PLEKHG4B: variants seen among roughly 807,000 people sequenced by gnomAD.
PLEKHG4B encodes the protein pleckstrin homology domain-containing family G member 4B.
A neutral mutation model predicts 121.3 loss-of-function variants in PLEKHG4B; 111 were observed. The observed-to-expected ratio is 0.92, with a 90% CI of 0.78 to 1.07. PLEKHG4B has a LOEUF of 1.07. PLEKHG4B is among the 50% of genes least tolerant of loss of function. The probability of loss-of-function intolerance (pLI) is 0.00; values close to 1 mark genes in which losing one functional copy is unlikely to be tolerated. For missense variants in PLEKHG4B, 1,831 were observed against 1,757.8 expected (o/e 1.04, Z -0.74); for synonymous variants, 738 against 725.0 (o/e 1.02, Z -0.29).
In PLEKHG4B at chr5:127,082, C is replaced by T. The variant is rs530539894; in HGVS notation, c.244-12401C>T. 1.2e-4 allele frequency among the ~76,000 whole-genome samples: 18 copies of T among 152,236 alleles called. No individual in the cohort carries two copies. The South Asian group carries it at 1.9e-3, about 16-fold the overall frequency. ...ATGTGGCTGGCAAAAGAAGGGAAGA[C>T]GGAGCTGCCATTTTGAACATGCCTA... On this transcript the variant is annotated intron_variant, in intron 2 of 19. Transcript: ENST00000637938.
At chr5:164,629 C>T (rs1736200806) in intron 13 of PLEKHG4B, among the ~76,000 whole-genome samples, 1 of 128,196 alleles carries the variant, frequency 7.8e-6, no homozygotes, top group African/African-American at 2.8e-5. Flanking sequence ...TGTGACGGAG[C>T]GGAGCTCACA....
At chr5:169,256 T>A in intron 13 of PLEKHG4B, 84 bp from the exon 14 acceptor site, 6 of 1,551,222 alleles carry the variant, frequency 3.9e-6, no homozygotes, top group Non-Finnish European at 5.2e-6. Context: ...CGGGTTTTCA[T>A]GTGTTTCTGT....
chr5:124,765 C>T (rs79701423), intron 2 of PLEKHG4B, among the ~76,000 whole-genome samples: 3,332 of 152,252 alleles, frequency 0.022, 53 homozygotes, highest in Non-Finnish European at 0.034. Context: ...CAGTTTGGAT[C>T]TGTTTATGTC....
At chr5:170,988 T>A (rs1736524355) in intron 14 of PLEKHG4B, 55 bp from the exon 15 acceptor site, 35 of 1,455,884 alleles carry the variant, frequency 2.4e-5, no homozygotes, top group Non-Finnish European at 3.3e-5. Flanking sequence ...TGCGGGAGCC[T>A]GCTGTCTCTG....
intron 1 of PLEKHG4B, among the ~76,000 whole-genome samples, chr5:105,276 C>T (rs1049746316): frequency 6.6e-6 from 1 of 152,216 alleles, no homozygotes; most frequent in South Asian, 2.1e-4. Flanking sequence ...GGCTGGGGGC[C>T]CTGCTCAGAA....
Position 140,154 on chromosome 5 carries a change from TG to T in PLEKHG4B, c.921del (p.Ser308ArgfsTer74). 4.1e-6 allele frequency: 3 copies of T among 738,392 alleles called. No homozygotes were observed. The highest frequency in any genetic ancestry group is 6.4e-6 in the Non-Finnish European group (3 of 469,682). 45.7% of individuals were successfully genotyped at this position (738,392 alleles called of 1,614,324 possible). On this transcript the variant is annotated frameshift_variant, in exon 3 of 20. Transcript: ENST00000637938. LOFTEE classifies it high-confidence loss of function. ...QGPRMPPENC[G>X]GSGERPDPMD... ...GCCCACGGATGCCCCCTGAGAACTG[TG>T]GGGGGTCGGGGGAGAGGCCGGACCC... is the stretch of plus-strand genomic sequence containing the variant.
rs1197973107 is a variant in PLEKHG4B at position 157,351 on chromosome 5, C to G, written c.2487+440C>G. Reference sequence around the variant, plus strand: ...CTCCAGATGACCTCAAGAAGTGGCTCTGGAGGCCAGGGAGAGGCTCAAGGT... The same window carrying G: ...CTCCAGATGACCTCAAGAAGTGGCTGTGGAGGCCAGGGAGAGGCTCAAGGT... On this transcript the variant is annotated intron_variant, in intron 11 of 19. Coordinates refer to ENST00000637938, the MANE Select transcript of PLEKHG4B (RefSeq NM_052909.5). This position sits in a 1 kb window ranked among gnomAD's most constrained non-coding sequence, Gnocchi z 4.6. 2.0e-5 allele frequency among the ~76,000 whole-genome samples: 3 copies of G among 151,646 alleles called. No homozygotes were observed. The highest frequency in any genetic ancestry group is 7.3e-5 in the African/African-American group (3 of 41,238).
At chr5:175,975 G>A (rs1330292816) in intron 18 of PLEKHG4B, among the ~76,000 whole-genome samples, 1 of 99,328 alleles carries the variant, frequency 1.0e-5, no homozygotes, top group Non-Finnish European at 2.4e-5. Flanking sequence ...GACCCCTCCA[G>A]GCAGACACGA....
intron 2 of PLEKHG4B, among the ~76,000 whole-genome samples, chr5:120,496 A>T (rs1171051236): frequency 2.0e-5 from 3 of 152,218 alleles, no homozygotes; most frequent in Non-Finnish European, 4.4e-5. Context: ...TTAAAATCTG[A>T]TAAGAAGGTC....
intron 2 of PLEKHG4B, among the ~76,000 whole-genome samples, chr5:124,019 T>A (rs1023778071): frequency 6.6e-6 from 1 of 152,214 alleles, no homozygotes; most frequent in Non-Finnish European, 1.5e-5. Flanking sequence ...TAATGCTGCT[T>A]TTGCTGCCTC....
rs1312057242 is a variant in PLEKHG4B at position 159,322 on chromosome 5, C to A, written c.2487+2411C>A. Among the ~76,000 whole-genome samples the A allele has an allele frequency of 2.0e-5, 3 of 152,002 alleles. No individual in the cohort carries two copies. The highest frequency in any genetic ancestry group is 4.4e-5 in the Non-Finnish European group (3 of 67,996). ...CCCAGGTGCACCGAGGGCAGGTGTGCTCTTTGTGTCTGCACTGCGCCCCTC... is the reference window on the plus strand; with the variant it reads ...CCCAGGTGCACCGAGGGCAGGTGTGATCTTTGTGTCTGCACTGCGCCCCTC... On this transcript the variant is annotated intron_variant, in intron 11 of 19. Coordinates refer to ENST00000637938, the MANE Select transcript of PLEKHG4B (RefSeq NM_052909.5). The surrounding 1 kb of genome is among the most constrained non-coding windows in gnomAD (Gnocchi z 5.5).
At chr5:164,456 C>T (rs1318820235) in intron 13 of PLEKHG4B, among the ~76,000 whole-genome samples, 7 of 122,928 alleles carry the variant, frequency 5.7e-5, no homozygotes, top group Non-Finnish European at 3.2e-5. Flanking sequence ...GGGCGGGGCT[C>T]ACAGTAATGT....
chr5:118,237 A>G, intron 2 of PLEKHG4B, among the ~76,000 whole-genome samples: 1 of 152,258 alleles, frequency 6.6e-6, no homozygotes, highest in East Asian at 1.9e-4. Context: ...AAAATGTGTG[A>G]AATATAAATG....
intron 2 of PLEKHG4B, among the ~76,000 whole-genome samples, chr5:115,468 A>G (rs920770290): frequency 2.0e-5 from 3 of 152,218 alleles, no homozygotes; most frequent in African/African-American, 7.2e-5. Flanking sequence ...CCAGCTCCTA[A>G]CAAGAGAGTC....
chr5:114,105 A>G (rs551279667), intron 2 of PLEKHG4B, among the ~76,000 whole-genome samples: 2 of 152,326 alleles, frequency 1.3e-5, no homozygotes, highest in South Asian at 4.2e-4. Context: ...GCTAATGATT[A>G]TCTGAGCCTT....
In PLEKHG4B at chr5:139,190, G is replaced by T. The variant is rs1271495819; in HGVS notation, c.244-293G>T. ...CCTTCGGAGCGCCTGGTGGGCTGTG[G>T]CTGTGGCCCTCGAGTGGCCTCCTCT... On this transcript the variant is annotated intron_variant, in intron 2 of 19. Coordinates refer to ENST00000637938, the MANE Select transcript of PLEKHG4B (RefSeq NM_052909.5). This position sits in a 1 kb window ranked among gnomAD's most constrained non-coding sequence, Gnocchi z 5.0. Among the ~76,000 whole-genome samples the T allele has an allele frequency of 2.0e-5, 3 of 152,206 alleles. No homozygotes were observed. The highest frequency in any genetic ancestry group is 4.4e-5 in the Non-Finnish European group (3 of 68,034).
At chr5:140,751 C>G (rs752109246) in intron 3 of PLEKHG4B, 35 bp downstream of exon 3, 36 of 1,496,222 alleles carry the variant, frequency 2.4e-5, no homozygotes, top group Non-Finnish European at 1.8e-5. Flanking sequence ...TGCGCACCCC[C>G]ACAACCTCCC....
Position 140,574 on chromosome 5 carries a change from A to T in PLEKHG4B, c.1335A>T (p.Arg445Ser). The T allele has an allele frequency of 6.2e-7, 1 of 1,608,852 alleles. No individual in the cohort carries two copies. The highest frequency in any genetic ancestry group is 8.5e-7 in the Non-Finnish European group (1 of 1,178,218). Residue 445 changes from arginine (R) to serine (S), a missense_variant, in exon 3 of 20, where the codon AGA becomes AGT. Transcript: ENST00000637938. ...CTCGGTCCTGGGAAAGGGCACCCAG[A>T]AGCTCCAGAGGGGCCCAGGCTGCAG... is the stretch of plus-strand genomic sequence containing the variant. ...RRSRSWERAP[R>S]SSRGAQAAAC... is the part of the protein sequence containing the mutation.
chr5:160,992 G>A (rs545213909), intron 11 of PLEKHG4B, among the ~76,000 whole-genome samples: 5 of 152,242 alleles, frequency 3.3e-5, no homozygotes, highest in South Asian at 4.2e-4. Flanking sequence ...GGGGTCATTC[G>A]GTACCTTCTG....
Sources: gnomAD v4.1 joint callset for allele counts (sites outside exome capture counted in the v4.1 genomes callset) on GRCh38, gnomAD v4.1.1 for gene constraint, Gnocchi (gnomAD v3.1) non-coding constraint, MANE v1.5 for transcripts, NCBI Gene and HGNC (gene_info 2026-07-23, HGNC 2026-07-21) for gene names.